SMG9: variants seen among roughly 807,000 people sequenced by gnomAD.
SMG9 encodes nonsense-mediated mRNA decay factor SMG9.
SMG9 carries 55 observed loss-of-function variants against 64.0 expected under a neutral mutation model. The ratio of observed to expected loss-of-function variants is 0.86; its 90% confidence interval spans 0.69 to 1.08. The LOEUF (loss-of-function observed/expected upper bound fraction) is 1.08, where lower values mean the gene tolerates loss of function less well. Ranked by LOEUF, SMG9 falls within the 50% of genes least tolerant of loss-of-function variation. SMG9 has a pLI of 0.00. For missense variants in SMG9, 554 were observed against 681.3 expected (o/e 0.81, Z 2.08); for synonymous variants, 244 against 254.8 (o/e 0.96, Z 0.41).
chr19:43,741,366 A>C (rs1450663419), intron 6 of SMG9, among the ~76,000 whole-genome samples: 2 of 152,192 alleles, frequency 1.3e-5, no homozygotes, highest in African/African-American at 2.4e-5. Context: ...TAGGACTCAA[A>C]GACCAGCATG....
At chr19:43,733,823 C>G (rs990298056) in intron 10 of SMG9, 90 bp from the exon 11 acceptor site, 2 of 872,092 alleles carry the variant, frequency 2.3e-6, no homozygotes, top group Non-Finnish European at 3.7e-6. Context: ...GTTGTTACCC[C>G]TGAGTTCAGA....
At chr19:43,754,623 C>A (rs1189434338) in intron 1 of SMG9, 31 bp downstream of exon 1, 2 of 151,964 alleles carry the variant, frequency 1.3e-5, no homozygotes, top group African/African-American at 2.4e-5. Context: ...CGCCGGTGCG[C>A]TAGCCTCGCG....
At position 43,737,637 on chromosome 19, in the gene SMG9, TCAC is replaced by T; in HGVS notation, c.952_954del (p.Val318del). The T allele has an allele frequency of 1.2e-6, 2 of 1,613,872 alleles. No individual in the cohort carries two copies. The highest frequency in any genetic ancestry group is 1.7e-6 in the Non-Finnish European group (2 of 1,179,932). On this transcript the variant is annotated inframe_deletion, in exon 9 of 14. Coordinates refer to ENST00000270066, the MANE Select transcript of SMG9 (RefSeq NM_019108.4). ...TCTGTGAACCAGTCCTGGACAACAATCACCACATGGCAGACCGTGAAAAGGAAG... is the reference window on the plus strand; with the variant it reads ...TCTGTGAACCAGTCCTGGACAACAATCACATGGCAGACCGTGAAAAGGAAG...
At chr19:43,731,709 G>T in intron 13 of SMG9, 35 bp from the exon 14 acceptor site, 1 of 1,613,854 alleles carries the variant, frequency 6.2e-7, no homozygotes, top group East Asian at 2.2e-5. Context: ...CTGCCTGGCC[G>T]GGGCTCCCCC....
At chr19:43,736,413 C>G (rs988857941) in intron 9 of SMG9, among the ~76,000 whole-genome samples, 1 of 152,056 alleles carries the variant, frequency 6.6e-6, no homozygotes. Flanking sequence ...GCTGTTCCCC[C>G]CAACACCTCC....
chr19:43,733,445 C>G lies in SMG9; in HGVS notation c.1218G>C (p.Leu406=), dbSNP rs1467285878. ...AHSHLRYKGT[L]SMLQCNVFPG... ...GGAAGACATTGCATTGTAACATGGA[C>G]AGAGTTCCTGGAGGAGAAAACGCTT... is the stretch of plus-strand genomic sequence containing the variant. The change falls in exon 12 of 14, where the codon CTG becomes CTC. Residue 406 remains leucine (L), a synonymous_variant. Coordinates refer to ENST00000270066, the MANE Select transcript of SMG9 (RefSeq NM_019108.4). The G allele has an allele frequency of 6.2e-7, 1 of 1,613,984 alleles. No homozygotes were observed. The highest frequency in any genetic ancestry group is 1.3e-5 in the African/African-American group (1 of 75,050).
rs1968389712 is a variant in SMG9 at position 43,729,069 on chromosome 19, C to T, written c.*2527G>A. On this transcript the variant is annotated 3_prime_UTR_variant, in exon 14 of 14. Coordinates refer to ENST00000270066, the MANE Select transcript of SMG9 (RefSeq NM_019108.4). Reference sequence around the variant, plus strand: ...CCTCTGCTGGATGTAAAGGGGGTGGCGGGTGACCGGTACATACTTACCCAC... The same window carrying T: ...CCTCTGCTGGATGTAAAGGGGGTGGTGGGTGACCGGTACATACTTACCCAC... The T allele has an allele frequency of 2.2e-5, 22 of 983,454 alleles. No individual in the cohort carries two copies. The highest frequency in any genetic ancestry group is 1.9e-4 in the South Asian group (4 of 21,256). The allele number at this position is 983,454 out of a possible 1,614,324, so 60.9% of individuals were successfully genotyped here.
chr19:43,734,246 A>T, intron 10 of SMG9, 143 bp downstream of exon 10: 3 of 644,052 alleles, frequency 4.7e-6, no homozygotes, highest in Admixed American at 5.4e-5. Flanking sequence ...ATCCTTTTTG[A>T]CTTTGCTCCT....
intron 2 of SMG9, among the ~76,000 whole-genome samples, chr19:43,749,178 G>T (rs1156558774): frequency 6.6e-6 from 1 of 152,216 alleles, no homozygotes; most frequent in East Asian, 1.9e-4. Context: ...TGTGAGGGTA[G>T]AGAGAAGACA....
At chr19:43,744,307 G>A (rs148815678) in intron 6 of SMG9, among the ~76,000 whole-genome samples, 10 of 152,258 alleles carry the variant, frequency 6.6e-5, no homozygotes, top group South Asian at 2.1e-4. Context: ...TTCTCAGATC[G>A]TATCAGCTAC....
At chr19:43,749,842 T>C (rs73561323) in intron 2 of SMG9, among the ~76,000 whole-genome samples, 1,626 of 152,322 alleles carry the variant, frequency 0.011, 23 homozygotes, top group African/African-American at 0.035. Context: ...GAGACTAAGC[T>C]GGACCTGGAT....
At chr19:43,745,110 G>A (rs989312373) in intron 5 of SMG9, among the ~76,000 whole-genome samples, 1 of 152,250 alleles carries the variant, frequency 6.6e-6, no homozygotes, top group South Asian at 2.1e-4. Flanking sequence ...TGAGAACTCT[G>A]AAGTAGAAAA....
intron 1 of SMG9, among the ~76,000 whole-genome samples, chr19:43,753,100 G>A (rs574027859): frequency 1.3e-5 from 2 of 151,890 alleles, no homozygotes; most frequent in South Asian, 2.1e-4. Context: ...CCAGACAAGT[G>A]GCTTGTCTAG....
intron 12 of SMG9, 119 bp downstream of exon 12, chr19:43,733,205 G>A (rs1294704490): frequency 3.5e-6 from 5 of 1,425,694 alleles, no homozygotes; most frequent in Non-Finnish European, 4.8e-6. Context: ...GACCAGGTAG[G>A]CTCCACACTG....
intron 2 of SMG9, chr19:43,750,214 T>C: frequency 1.9e-6 from 1 of 530,046 alleles, no homozygotes; most frequent in East Asian, 5.3e-5. Flanking sequence ...TCATCTCCTA[T>C]CTCTCTCCCT....
Position 43,731,271 on chromosome 19 carries a change from C to T in SMG9, c.*325G>A, listed in dbSNP as rs1968474892. 10 of 1,132,594 alleles carry T rather than the reference C, an allele frequency of 8.8e-6. No homozygotes were observed. Among genetic ancestry groups the T allele is most frequent in the Non-Finnish European group, 9.8e-6 (9 of 920,554 alleles). 70.2% of individuals were successfully genotyped at this position (1,132,594 alleles called of 1,614,324 possible). A position where few individuals can be genotyped will look rare whatever the true frequency, so the allele number is the denominator to read the frequency against. On this transcript the variant is annotated 3_prime_UTR_variant, in exon 14 of 14. Coordinates refer to ENST00000270066, the MANE Select transcript of SMG9 (RefSeq NM_019108.4). Reference sequence around the variant, plus strand: ...GGGAAGAGGGGCCTGTTGCTCCTGTCCCTGAAAAAGGAGGTCAAGATGGAG... The same window carrying T: ...GGGAAGAGGGGCCTGTTGCTCCTGTTCCTGAAAAAGGAGGTCAAGATGGAG...
intron 1 of SMG9, among the ~76,000 whole-genome samples, chr19:43,751,051 C>T (rs1417659488): frequency 6.6e-6 from 1 of 151,796 alleles, no homozygotes; most frequent in Non-Finnish European, 1.5e-5. Flanking sequence ...TCTCGAACTC[C>T]TGACCTCAGG....
At position 43,747,556 on chromosome 19, in the gene SMG9, G is replaced by A. The variant is rs1184997041; in HGVS notation, c.491-17C>T. The A allele has an allele frequency of 1.2e-6, 2 of 1,614,048 alleles. No homozygotes were observed. Among genetic ancestry groups the A allele is most frequent in the Non-Finnish European group, 1.7e-6 (2 of 1,180,040 alleles). On this transcript the variant is annotated splice_polypyrimidine_tract_variant and intron_variant, in intron 4 of 13. Transcript: ENST00000270066. ...CCACGACAGCTGGAGATTGGAGAAA[G>A]CAGGAGACAGAGGATGCAGTGAGGA...
intron 5 of SMG9, among the ~76,000 whole-genome samples, chr19:43,747,069 T>C (rs1353237831): frequency 6.6e-6 from 1 of 152,122 alleles, no homozygotes; most frequent in Non-Finnish European, 1.5e-5. Context: ...TCTCCTACCT[T>C]GGCCTCCCAA....
Sources: gnomAD v4.1 joint callset for allele counts (sites outside exome capture counted in the v4.1 genomes callset) on GRCh38, gnomAD v4.1.1 for gene constraint, MANE v1.5 for transcripts, NCBI Gene and HGNC (gene_info 2026-07-23, HGNC 2026-07-21) for gene names.